CCDC83: variants seen among roughly 807,000 people sequenced by gnomAD.
The protein encoded by CCDC83 is coiled-coil domain containing 83, also known as coiled-coil domain-containing protein 83.
Under a neutral mutation model 50.1 loss-of-function variants are expected in CCDC83, and 54 were observed. That is an observed-to-expected ratio of 1.08 (90% CI 0.87 to 1.35). The LOEUF is 1.35. Among genes scored for constraint, CCDC83 ranks in the 40% most tolerant of loss-of-function variants. The pLI is 0.00. For synonymous variants in CCDC83, 161 were observed against 153.3 expected, an observed-to-expected ratio of 1.05 and a Z score of -0.37; for missense variants, 518 against 473.9, an observed-to-expected ratio of 1.09 and a Z score of -0.86.
At chr11:85,870,709 A>G (rs1255768205) in intron 2 of CCDC83, among the ~76,000 whole-genome samples, 1 of 152,068 alleles carries the variant, frequency 6.6e-6, no homozygotes. Context: ...CCTATCTACT[A>G]TAGTAGTCCC....
At position 85,919,489 on chromosome 11, in the gene CCDC83, G is replaced by T. The variant is rs751268459; in HGVS notation, c.1221G>T (p.Lys407Asn). 5.6e-6 allele frequency: 9 copies of T among 1,607,896 alleles called. No individual in the cohort carries two copies. The highest frequency in any genetic ancestry group is 4.0e-5 in the African/African-American group (3 of 74,520). ...VRSPESHITY[K>N]MMKSFL The stretch of plus-strand genomic sequence containing the variant: ...GCCCAGAAAGCCACATCACATATAA[G>T]ATGATGAAGTCTTTTCTCTAAGACG... The change falls in exon 11 of 11, where the codon AAG becomes AAT. Residue 407 changes from lysine (K) to asparagine (N), a missense_variant. Lys to Asn is a moderately conservative substitution (Grantham distance 94, BLOSUM62 0). Coordinates refer to ENST00000342404, the MANE Select transcript of CCDC83 (RefSeq NM_001286159.2).
At chr11:85,905,355 T>C (rs1162719409) in intron 7 of CCDC83, among the ~76,000 whole-genome samples, 1 of 151,580 alleles carries the variant, frequency 6.6e-6, no homozygotes, top group Admixed American at 6.6e-5. Context: ...GGCAGGAGAA[T>C]TGCTTGAACC....
rs1018013181 is a variant in CCDC83 at position 85,875,355 on chromosome 11, C to A, written c.180+2060C>A. Among the ~76,000 whole-genome samples, 8 of 152,250 alleles carry A rather than the reference C, an allele frequency of 5.3e-5. No homozygotes were observed. In the South Asian group the frequency reaches 6.2e-4, roughly 12 times the overall value. On this transcript the variant is annotated intron_variant, in intron 3 of 10. Coordinates refer to ENST00000342404, the MANE Select transcript of CCDC83 (RefSeq NM_001286159.2). Reference sequence around the variant, plus strand: ...TTTCCAGCTTGAAGGTTGGATTTCACTGGGGACCGGCCCCATCTGCCTAGG... The same window carrying A: ...TTTCCAGCTTGAAGGTTGGATTTCAATGGGGACCGGCCCCATCTGCCTAGG...
At chr11:85,860,172 C>T (rs1473186355) in intron 1 of CCDC83, among the ~76,000 whole-genome samples, 1 of 151,720 alleles carries the variant, frequency 6.6e-6, no homozygotes, top group Non-Finnish European at 1.5e-5. Flanking sequence ...CATGGTGGCA[C>T]GTGCCTGTAG....
intron 2 of CCDC83, among the ~76,000 whole-genome samples, chr11:85,865,614 A>C (rs747834419): frequency 5.3e-5 from 8 of 152,228 alleles, no homozygotes; most frequent in Non-Finnish European, 1.2e-4. Flanking sequence ...GAGGCCGGGC[A>C]TGGTGGCTCA....
chr11:85,860,079 G>A (rs993363464), intron 1 of CCDC83, among the ~76,000 whole-genome samples: 2 of 151,986 alleles, frequency 1.3e-5, no homozygotes, highest in African/African-American at 2.4e-5. Flanking sequence ...ACAAGGTCAG[G>A]AGATCGAGAT....
chr11:85,876,462 G>A (rs2093269816), intron 3 of CCDC83, among the ~76,000 whole-genome samples: 1 of 151,734 alleles, frequency 6.6e-6, no homozygotes, highest in South Asian at 2.1e-4. Flanking sequence ...AAGGTGAATA[G>A]TAGATTGGAA....
intron 7 of CCDC83, 104 bp from the exon 8 acceptor site, chr11:85,911,177 A>AT: frequency 1.2e-5 from 6 of 495,228 alleles, no homozygotes; most frequent in South Asian, 6.3e-5. Flanking sequence ...GTCTCAAATA[A>AT]AAAAAAAAAA....
At chr11:85,888,353 A>G (rs542230185) in intron 5 of CCDC83, among the ~76,000 whole-genome samples, 3 of 152,298 alleles carry the variant, frequency 2.0e-5, no homozygotes, top group Non-Finnish European at 4.4e-5. Context: ...CGAAAATGGT[A>G]TCTCATTGTA....
intron 5 of CCDC83, 129 bp downstream of exon 5, chr11:85,886,496 C>A: frequency 3.0e-6 from 2 of 677,358 alleles, no homozygotes; most frequent in Non-Finnish European, 4.4e-6. Context: ...CAGCTGTGAG[C>A]CTAAGGGTAA....
In CCDC83 at chr11:85,891,956, C is replaced by T. The variant is rs546756297; in HGVS notation, c.512-3337C>T. On this transcript the variant is annotated intron_variant, in intron 5 of 10. Coordinates refer to ENST00000342404, the MANE Select transcript of CCDC83 (RefSeq NM_001286159.2). ...GAATCTGTGATTCAGTGAGTTGGGG[C>T]GGCTCTAAAAAGATTACTACCTGGC... Among the ~76,000 whole-genome samples, 8 of 152,278 alleles carry T rather than the reference C, an allele frequency of 5.3e-5. No individual in the cohort carries two copies. In the South Asian group the frequency reaches 8.3e-4, roughly 16 times the overall value.
In CCDC83 at chr11:85,873,262, A is replaced by G. The variant is rs1396060270; in HGVS notation, c.147A>G (p.Thr49=). Residue 49 remains threonine (T), a synonymous_variant, in exon 3 of 11, where the codon ACA becomes ACG. Transcript: ENST00000342404. ...AGCAATTCATGTTTCAAATAAAGAC[A>G]CTTAGGAAAAAGAACCAAAAATATC... ...AVEQFMFQIK[T]LRKKNQKYHE... 3.2e-6 allele frequency: 5 copies of G among 1,557,050 alleles called. No homozygotes were observed. The African/African-American group carries it at 5.5e-5, about 17-fold the overall frequency.
intron 7 of CCDC83, among the ~76,000 whole-genome samples, chr11:85,906,928 CAA>C (rs998560293): frequency 4.1e-5 from 6 of 146,022 alleles, no homozygotes; most frequent in Admixed American, 6.8e-5. Flanking sequence ...AAATAAATAA[CAA>C]ATCATTTTAT....
Position 85,895,379 on chromosome 11 carries a change from A to G in CCDC83, c.598A>G (p.Thr200Ala), listed in dbSNP as rs756241711. 6.5e-7 allele frequency: 1 copy of G among 1,542,952 alleles called. No homozygotes were observed. Among genetic ancestry groups the G allele is most frequent in the Non-Finnish European group, 8.8e-7 (1 of 1,132,488 alleles). The change falls in exon 6 of 11, where the codon ACA becomes GCA. Residue 200 changes from threonine (T) to alanine (A), a missense_variant. Thr to Ala is a moderately conservative substitution (Grantham distance 58, BLOSUM62 0). Coordinates refer to ENST00000342404, the MANE Select transcript of CCDC83 (RefSeq NM_001286159.2). ...ACTGGACCAAAAGAAGGAATGGGCC[A>G]CACAGGTATAATTCAATTTTCTTAA... ...LQLDQKKEWA[T>A]QNAVKLIDKG...
At position 85,904,889 on chromosome 11, in the gene CCDC83, A is replaced by T. The variant is rs914116291; in HGVS notation, c.672+5874A>T. Among the ~76,000 whole-genome samples, 96 of 152,350 alleles carry T rather than the reference A, an allele frequency of 6.3e-4. 1 individual carries two copies. Among genetic ancestry groups the T allele is most frequent in the African/African-American group, 2.3e-3 (94 of 41,574 alleles). ...GAATTTAAACATTCATATGGCTTCT[A>T]TGATAACTGACAATTATCTTTAAAT... On this transcript the variant is annotated intron_variant, in intron 7 of 10. Coordinates refer to ENST00000342404, the MANE Select transcript of CCDC83 (RefSeq NM_001286159.2).
rs913952219 is a variant in CCDC83, at chr11:85,911,364, A to G, written c.756A>G (p.Gln252=). 2 of 1,611,682 alleles carry G rather than the reference A, an allele frequency of 1.2e-6. No homozygotes were observed. ...LEAENLVLID[Q]LSNCRLVDLK... ...CAGAAAATTTGGTGCTTATTGATCAACTATCCAACTGTAGACTTGTGGATC... is the reference window on the plus strand; with the variant it reads ...CAGAAAATTTGGTGCTTATTGATCAGCTATCCAACTGTAGACTTGTGGATC... Residue 252 remains glutamine, a synonymous_variant, in exon 8 of 11, where the codon CAA becomes CAG. Transcript: ENST00000342404.
intron 5 of CCDC83, among the ~76,000 whole-genome samples, chr11:85,892,878 T>C (rs186640401): frequency 6.6e-6 from 1 of 152,316 alleles, no homozygotes; most frequent in East Asian, 1.9e-4. Context: ...AATATGTAGG[T>C]TGGAATAATA....
chr11:85,862,219 T>C (rs375279467), intron 1 of CCDC83, among the ~76,000 whole-genome samples: 1 of 152,032 alleles, frequency 6.6e-6, no homozygotes, highest in South Asian at 2.1e-4. Flanking sequence ...GTTTGGGAAA[T>C]ATTTATTGCA....
intron 1 of CCDC83, among the ~76,000 whole-genome samples, chr11:85,857,382 C>G (rs34896037): frequency 0.06 from 9,176 of 152,134 alleles, 453 homozygotes; most frequent in African/African-American, 0.14. Flanking sequence ...TCCAGTTGTA[C>G]GCCTGGAAGG....
Sources: gnomAD v4.1 joint callset for allele counts (sites outside exome capture counted in the v4.1 genomes callset) on GRCh38, gnomAD v4.1.1 for gene constraint, MANE v1.5 for transcripts, NCBI Gene and HGNC (gene_info 2026-07-23, HGNC 2026-07-21) for gene names.